The following NRXN3 variants were observed in gnomAD, a reference collection of about 807,000 sequenced individuals.
NRXN3 encodes the protein neurexin 3, also known as neurexin III.
A neutral mutation model predicts 137.6 loss-of-function variants in NRXN3; 32 were observed. The ratio of observed to expected loss-of-function variants is 0.23; its 90% CI spans 0.18 to 0.31. The LOEUF (loss-of-function observed/expected upper bound fraction) is 0.31, where lower values mean the gene tolerates loss of function less well. Ranked by LOEUF, NRXN3 falls within the 10% of genes least tolerant of loss-of-function variation. NRXN3 has a pLI of 1.00. For synonymous variants in NRXN3, 798 were observed against 784.5 expected, an observed-to-expected ratio of 1.02 and a Z score of -0.29; for missense variants, 1,574 against 2,062.5, an observed-to-expected ratio of 0.76 and a Z score of 4.59.
intron 4 of NRXN3, among the ~76,000 whole-genome samples, chr14:78,359,462 C>T (rs2084800465): frequency 6.6e-6 from 1 of 152,176 alleles, no homozygotes; most frequent in Non-Finnish European, 1.5e-5. Flanking sequence ...TCTTAAAATT[C>T]TTAATAATTT....
intron 15 of NRXN3, among the ~76,000 whole-genome samples, chr14:79,016,598 C>T (rs758174006): frequency 1.3e-5 from 2 of 152,108 alleles, no homozygotes; most frequent in African/African-American, 4.8e-5. Flanking sequence ...AAATCAATAG[C>T]TACAAGAGTG....
intron 1 of NRXN3, among the ~76,000 whole-genome samples, chr14:78,222,125 CAG>C (rs1567000741): frequency 1.3e-5 from 2 of 152,136 alleles, no homozygotes; most frequent in Admixed American, 6.5e-5. Flanking sequence ...GGCCCCAACA[CAG>C]AGTGTTTGGC....
chr14:79,434,020 G>A (rs1035584491), intron 15 of NRXN3, among the ~76,000 whole-genome samples: 3 of 152,128 alleles, frequency 2.0e-5, no homozygotes, highest in Non-Finnish European at 1.5e-5. Context: ...ATGGCACCCA[G>A]GAATCTACAT....
At chr14:79,205,587 A>G (rs1489225615) in intron 15 of NRXN3, among the ~76,000 whole-genome samples, 2 of 152,194 alleles carry the variant, frequency 1.3e-5, no homozygotes, top group Non-Finnish European at 2.9e-5. Flanking sequence ...ATCCACCATC[A>G]TCAATCACCA....
At chr14:78,369,362 T>A (rs2086465516) in intron 4 of NRXN3, among the ~76,000 whole-genome samples, 1 of 152,118 alleles carries the variant, frequency 6.6e-6, no homozygotes, top group Non-Finnish European at 1.5e-5. Flanking sequence ...CTTCTTTGCA[T>A]GTGGTCCTAT....
intron 15 of NRXN3, among the ~76,000 whole-genome samples, chr14:79,399,971 C>G (rs1329582120): frequency 6.6e-6 from 1 of 152,148 alleles, no homozygotes; most frequent in African/African-American, 2.4e-5. Context: ...GGTTGCAAGG[C>G]CTTCTTCCCT....
chr14:79,111,266 G>A (rs1408958772), intron 15 of NRXN3, among the ~76,000 whole-genome samples: 2 of 152,180 alleles, frequency 1.3e-5, no homozygotes, highest in East Asian at 3.9e-4. Context: ...AATAGCATTT[G>A]ACTACTACTC....
intron 4 of NRXN3, among the ~76,000 whole-genome samples, chr14:78,592,889 C>T (rs1202171758): frequency 2.0e-5 from 3 of 152,200 alleles, no homozygotes; most frequent in Non-Finnish European, 4.4e-5. Context: ...TGTAGTAGGA[C>T]CCATGTCCTC....
chr14:78,924,428 C>T (rs1022871258), intron 10 of NRXN3, among the ~76,000 whole-genome samples: 3 of 152,070 alleles, frequency 2.0e-5, no homozygotes, highest in Non-Finnish European at 2.9e-5. Flanking sequence ...AAGAGACATC[C>T]CTAAGCTCCC....
At chr14:79,753,079 G>A (rs1448488205) in intron 19 of NRXN3, among the ~76,000 whole-genome samples, 1 of 151,330 alleles carries the variant, frequency 6.6e-6, no homozygotes, top group Non-Finnish European at 1.5e-5. Context: ...AACAGGTGCT[G>A]GAGAGGATGT....
intron 15 of NRXN3, among the ~76,000 whole-genome samples, chr14:79,173,410 T>C (rs1370769659): frequency 6.6e-5 from 10 of 151,072 alleles, no homozygotes; most frequent in Non-Finnish European, 1.5e-4. Context: ...TGTGTGCCTG[T>C]AGTCTCAGCT....
chr14:78,401,392 T>G (rs905617172), intron 4 of NRXN3, among the ~76,000 whole-genome samples: 38 of 152,186 alleles, frequency 2.5e-4, no homozygotes, highest in African/African-American at 8.7e-4. Flanking sequence ...CTTGAACTCC[T>G]GACCTCAGGT....
chr14:79,026,191 T>C (rs2099597735), intron 15 of NRXN3, among the ~76,000 whole-genome samples: 1 of 152,152 alleles, frequency 6.6e-6, no homozygotes, highest in Non-Finnish European at 1.5e-5. Context: ...ATGAATAGAT[T>C]TTTATATTCA....
At chr14:78,431,181 C>T (rs2093864541) in intron 4 of NRXN3, among the ~76,000 whole-genome samples, 1 of 152,176 alleles carries the variant, frequency 6.6e-6, no homozygotes, top group Non-Finnish European at 1.5e-5. Flanking sequence ...GTGGTTCCCT[C>T]TTTATTACCA....
At chr14:78,271,487 A>AAAC (rs2072734169) in intron 2 of NRXN3, among the ~76,000 whole-genome samples, 1 of 122,606 alleles carries the variant, frequency 8.2e-6, no homozygotes, top group African/African-American at 2.6e-5. Context: ...AAAAAAAAAA[A>AAAC]AAAACAAAAG....
At chr14:79,519,686 A>G (rs1368305308) in intron 16 of NRXN3, among the ~76,000 whole-genome samples, 1 of 151,258 alleles carries the variant, frequency 6.6e-6, no homozygotes, top group African/African-American at 2.4e-5. Context: ...AAAATTTCTG[A>G]TTGGAATGGG....
At chr14:79,858,153 T>C (rs1028031097) in intron 20 of NRXN3, among the ~76,000 whole-genome samples, 1 of 151,922 alleles carries the variant, frequency 6.6e-6, no homozygotes, top group South Asian at 2.1e-4. Flanking sequence ...TCTTTTTTTT[T>C]TTTTTTTAAA....
At chr14:79,038,032 A>C (rs1041125593) in intron 15 of NRXN3, among the ~76,000 whole-genome samples, 1 of 152,150 alleles carries the variant, frequency 6.6e-6, no homozygotes, top group Admixed American at 6.6e-5. Flanking sequence ...GGACAAGTTA[A>C]TTAAGGCATT....
At chr14:79,558,852 C>T (rs1227733659) in intron 16 of NRXN3, among the ~76,000 whole-genome samples, 4 of 152,130 alleles carry the variant, frequency 2.6e-5, no homozygotes, top group Admixed American at 2.0e-4. Flanking sequence ...CCATCTTTAT[C>T]AATGATCTTA....
Sources: gnomAD v4.1 joint callset for allele counts (sites outside exome capture counted in the v4.1 genomes callset) on GRCh38, gnomAD v4.1.1 for gene constraint, MANE v1.5 for transcripts, NCBI Gene and HGNC (gene_info 2026-07-23, HGNC 2026-07-21) for gene names.